MBOAT4: variants seen among roughly 807,000 people sequenced by gnomAD.
The protein encoded by MBOAT4 is membrane bound ghrelin O-acyltransferase MBOAT4, also known as membrane-bound ghrelin O-acyltransferase MBOAT4.
MBOAT4 carries 11 observed loss-of-function variants against 13.2 expected under a neutral mutation model. That is an observed-to-expected ratio of 0.84 (90% confidence interval 0.53 to 1.38). MBOAT4 has a LOEUF of 1.38. Among genes scored for constraint, MBOAT4 ranks in the 40% most tolerant of loss-of-function variants. MBOAT4 has a pLI of 0.00. For synonymous variants in MBOAT4, 202 were observed against 210.3 expected (o/e 0.96, Z 0.34); for missense variants, 481 against 527.2 (o/e 0.91, Z 0.86).
chr8:30,137,518 G>A (rs1341655807), intron 2 of MBOAT4: 2 of 1,510,492 alleles, frequency 1.3e-6, no homozygotes, highest in African/African-American at 2.8e-5. Flanking sequence ...ACTGCTCAGT[G>A]CCAGACACTG....
At chr8:30,140,006 A>G (rs1180705122) in intron 1 of MBOAT4, among the ~76,000 whole-genome samples, 1 of 152,188 alleles carries the variant, frequency 6.6e-6, no homozygotes, top group Non-Finnish European at 1.5e-5. Context: ...TCCTGTCACG[A>G]AAAATCTGCA....
intron 1 of MBOAT4, among the ~76,000 whole-genome samples, chr8:30,140,979 C>T (rs73240393): frequency 0.019 from 2,894 of 152,084 alleles, 46 homozygotes; most frequent in Admixed American, 0.047. Flanking sequence ...CTGGGACTAT[C>T]GACACGCACC....
intron 2 of MBOAT4, among the ~76,000 whole-genome samples, chr8:30,133,226 G>T (rs577223926): frequency 6.6e-6 from 1 of 152,274 alleles, no homozygotes; most frequent in African/African-American, 2.4e-5. Context: ...AATATTTATA[G>T]ATCTTAAGTA....
rs1408014809 is a variant in MBOAT4, at chr8:30,132,083, T to C, written c.1168A>G (p.Ile390Val). Residue 390 changes from isoleucine (I) to valine (V), a missense_variant, in exon 3 of 3, where the codon ATT (isoleucine) becomes GTT (valine). Transcript: ENST00000320542. ...TLTWAHTQLI[I>V]AYIMLAVEVR... is the part of the protein sequence containing the mutation. The stretch of plus-strand genomic sequence containing the variant: ...TCCACAGCCAGCATGATGTAGGCAA[T>C]GATCAACTGGGTGTGGGCCCAGGTG... 1.3e-6 allele frequency: 2 copies of C among 1,551,596 alleles called. No individual in the cohort carries two copies. The highest frequency in any genetic ancestry group is 8.7e-7 in the Non-Finnish European group (1 of 1,147,018).
chr8:30,132,896 TG>T lies in MBOAT4; in HGVS notation c.354del (p.Thr119LeufsTer8). ...LHEPPSVRFCITLSSLMLLTQ... is the reference protein window; with the variant it reads ...LHEPPSVRFCXTLSSLMLLTQ... ...GTCAAGAGCATGAGAGAAGAAAGAG[TG>T]ATGCAGAACCTGCAAGATAATTTTT... On this transcript the variant is annotated frameshift_variant, in exon 3 of 3. Transcript: ENST00000320542. LOFTEE classifies it low-confidence loss of function (END_TRUNC). 1 of 1,520,708 alleles carries T rather than the reference TG, an allele frequency of 6.6e-7. No individual in the cohort carries two copies. Among genetic ancestry groups the T allele is most frequent in the Non-Finnish European group, 8.8e-7 (1 of 1,133,590 alleles). 94.2% of individuals were successfully genotyped at this position (1,520,708 alleles called of 1,614,324 possible). A position where few individuals can be genotyped will look rare whatever the true frequency, so the allele number is the denominator to read the frequency against.
chr8:30,138,789 CTT>C, intron 1 of MBOAT4, 33 bp from the exon 2 acceptor site: 8 of 1,512,090 alleles, frequency 5.3e-6, no homozygotes, highest in Non-Finnish European at 7.2e-6. Flanking sequence ...GGGAGAATGA[CTT>C]AGAACGGCAC....
intron 1 of MBOAT4, 72 bp from the exon 2 acceptor site, chr8:30,138,828 T>G: frequency 8.2e-7 from 1 of 1,225,818 alleles, no homozygotes; most frequent in South Asian, 1.3e-5. Context: ...CAGATGTCAC[T>G]CCAGGGAACC....
At position 30,132,054 on chromosome 8, in the gene MBOAT4, G is replaced by A. The variant is rs1398437924; in HGVS notation, c.1197C>T (p.Val399=). The change falls in exon 3 of 3, where the codon GTC becomes GTT. Residue 399 remains valine, a synonymous_variant. Coordinates refer to ENST00000320542, the MANE Select transcript of MBOAT4 (RefSeq NM_001100916.2). ...IIAYIMLAVE[V]RSLSSLWLLC... ...GCAACCAGAGAGAGGAGAGACTCCT[G>A]ACCTCCACAGCCAGCATGATGTAGG... 5 of 1,551,674 alleles carry A rather than the reference G, an allele frequency of 3.2e-6. No homozygotes were observed. Among genetic ancestry groups the A allele is most frequent in the Non-Finnish European group, 4.4e-6 (5 of 1,147,050 alleles).
chr8:30,140,319 C>G (rs1390555367), intron 1 of MBOAT4, among the ~76,000 whole-genome samples: 1 of 152,140 alleles, frequency 6.6e-6, no homozygotes, highest in Non-Finnish European at 1.5e-5. Flanking sequence ...GACACTGTAC[C>G]TAAGGTGATC....
rs1370520306 is a variant in MBOAT4, at chr8:30,138,544, G to A, written c.332C>T (p.Pro111Leu). Residue 111 changes from proline to leucine, a missense_variant, in exon 2 of 3, where the codon CCT becomes CTT. Transcript: ENST00000320542. ...ACAGGCTGCTTACCTCACAGAAGGA[G>A]GCTCATGCAGATAATACTCAGTGTA... ...LHYTEYYLHE[P>L]PSVRFCITLS... The A allele has an allele frequency of 1.3e-6, 2 of 1,548,412 alleles. No individual in the cohort carries two copies. Among genetic ancestry groups the A allele is most frequent in the Non-Finnish European group, 1.7e-6 (2 of 1,144,386 alleles).
At chr8:30,144,403 A>C in intron 1 of MBOAT4, 80 bp downstream of exon 1, 3 of 1,047,498 alleles carry the variant, frequency 2.9e-6, no homozygotes, top group Non-Finnish European at 4.2e-6. Flanking sequence ...CCCAAATTGC[A>C]GGGATTACGG....
At chr8:30,136,726 CG>C (rs201073005) in intron 2 of MBOAT4, among the ~76,000 whole-genome samples, 3,473 of 147,746 alleles carry the variant, frequency 0.024, 158 homozygotes, top group African/African-American at 0.087. Context: ...TCTCTCCCCC[CG>C]AACTTTTTTT....
intron 1 of MBOAT4, among the ~76,000 whole-genome samples, chr8:30,144,016 A>T (rs1310213172): frequency 6.6e-6 from 1 of 152,222 alleles, no homozygotes; most frequent in African/African-American, 2.4e-5. Flanking sequence ...TGTTATATAT[A>T]TTCATTATCA....
intron 2 of MBOAT4, among the ~76,000 whole-genome samples, chr8:30,136,285 AACAG>A (rs1240136850): frequency 6.6e-6 from 1 of 152,188 alleles, no homozygotes; most frequent in Non-Finnish European, 1.5e-5. Context: ...TCCTTATGAG[AACAG>A]ACAATTAGGA....
chr8:30,140,037 A>C (rs922769263), intron 1 of MBOAT4, among the ~76,000 whole-genome samples: 2 of 151,992 alleles, frequency 1.3e-5, no homozygotes, highest in Admixed American at 6.5e-5. Context: ...AGATGAAGTC[A>C]TTGCAGAATC....
Position 30,144,572 on chromosome 8 carries a change from A to T in MBOAT4, c.30T>A (p.His10Gln), listed in dbSNP as rs1239732955. 1 of 1,551,490 alleles carries T rather than the reference A, an allele frequency of 6.4e-7. No homozygotes were observed. MEWLWLFFL[H>Q]PISFYQGAAF... is the part of the protein sequence containing the mutation. ...CAGCCCCCTGGTAAAACGATATAGG[A>T]TGGAGAAAGAACAGCCAAAGCCACT... The change falls in exon 1 of 3, where the codon CAT (histidine) becomes CAA (glutamine). Residue 10 changes from histidine to glutamine, a missense_variant. His to Gln is a conservative substitution (Grantham distance 24, BLOSUM62 0). Transcript: ENST00000320542.
rs1174092096 is a variant in MBOAT4 at position 30,132,271 on chromosome 8, A to G, written c.980T>C (p.Leu327Ser). ...GGCAGAGAAGGCAAATGTCTGCAACAACGGCCAAGCCCTGCTGTGCTGGAA... is the reference window on the plus strand; with the variant it reads ...GGCAGAGAAGGCAAATGTCTGCAACGACGGCCAAGCCCTGCTGTGCTGGAA... ...LVFQHSRAWPLLQTFAFSAWW... is the reference protein window; with the variant it reads ...LVFQHSRAWPSLQTFAFSAWW... Residue 327 changes from leucine (L) to serine (S), a missense_variant, in exon 3 of 3, where the codon TTG (leucine) becomes TCG (serine). Transcript: ENST00000320542. The G allele has an allele frequency of 6.4e-6, 10 of 1,551,660 alleles. No homozygotes were observed. The highest frequency in any genetic ancestry group is 4.9e-5 in the East Asian group (2 of 40,936).
chr8:30,136,549 C>G (rs748798786), intron 2 of MBOAT4, among the ~76,000 whole-genome samples: 2 of 152,138 alleles, frequency 1.3e-5, no homozygotes, highest in African/African-American at 2.4e-5. Context: ...CAGCCTGCCT[C>G]GCATCCAGCC....
At chr8:30,137,639 A>T in intron 2 of MBOAT4, 2 of 672,180 alleles carry the variant, frequency 3.0e-6, no homozygotes, top group South Asian at 1.9e-5. Context: ...AAGAAGTCTG[A>T]CCTAACCAAC....
Sources: gnomAD v4.1 joint callset for allele counts (sites outside exome capture counted in the v4.1 genomes callset) on GRCh38, gnomAD v4.1.1 for gene constraint, MANE v1.5 for transcripts, NCBI Gene and HGNC (gene_info 2026-07-23, HGNC 2026-07-21) for gene names.